The following MRPS5 variants were observed in gnomAD, a reference collection of about 807,000 sequenced individuals.
MRPS5 encodes mitochondrial ribosomal protein S5, also known as small ribosomal subunit protein uS5m.
Under a neutral mutation model 51.9 loss-of-function variants are expected in MRPS5, and 27 were observed. That is an observed-to-expected ratio of 0.52 (90% confidence interval 0.38 to 0.72). The LOEUF (loss-of-function observed/expected upper bound fraction) is 0.72, where lower values mean the gene tolerates loss of function less well. Among genes scored for constraint, MRPS5 ranks in the 30% least tolerant of loss-of-function variants. The probability of loss-of-function intolerance (pLI) is 0.00; values close to 1 mark genes in which losing one functional copy is unlikely to be tolerated. For missense variants in MRPS5, 570 were observed against 545.7 expected, an observed-to-expected ratio of 1.04 and a Z score of -0.44; for synonymous variants, 196 against 193.2, an observed-to-expected ratio of 1.01 and a Z score of -0.12.
chr2:95,088,807 G>A lies in MRPS5; in HGVS notation c.1069-1226C>T, dbSNP rs181175409. 1.8e-3 allele frequency among the ~76,000 whole-genome samples: 274 copies of A among 152,328 alleles called. 2 individuals are homozygous for A. The highest frequency in any genetic ancestry group is 6.4e-3 in the African/African-American group (268 of 41,570). On this transcript the variant is annotated intron_variant, in intron 11 of 11. Transcript: ENST00000272418. The stretch of plus-strand genomic sequence containing the variant: ...GTCTAGGCTGGGCGCGGTGGCTCAC[G>A]CCTGTAATCCCAGCACTTTGGGAGG...
At position 95,106,474 on chromosome 2, in the gene MRPS5, A is replaced by G; in HGVS notation, c.638-17T>C. On this transcript the variant is annotated splice_polypyrimidine_tract_variant and intron_variant, in intron 5 of 11. Transcript: ENST00000272418. ...CATATGTTTCTGTAGGGAGAAAAGA[A>G]ACAGGGATACAGATGAAATGTGTGT... 1.9e-6 allele frequency: 3 copies of G among 1,606,034 alleles called. No individual in the cohort carries two copies. The highest frequency in any genetic ancestry group is 1.3e-5 in the African/African-American group (1 of 74,872).
At chr2:95,121,473 C>T (rs577201037) in intron 1 of MRPS5, among the ~76,000 whole-genome samples, 1 of 152,232 alleles carries the variant, frequency 6.6e-6, no homozygotes, top group Admixed American at 6.5e-5. Context: ...CAAGCACGCT[C>T]AAGCGGTTTC....
chr2:95,100,397 C>A, intron 10 of MRPS5, 77 bp downstream of exon 10: 1 of 1,118,760 alleles, frequency 8.9e-7, no homozygotes, highest in Non-Finnish European at 1.3e-6. Flanking sequence ...TAAAGATGAA[C>A]AAAAATAGAG....
At position 95,090,538 on chromosome 2, in the gene MRPS5, C is replaced by A. The variant is rs781768769; in HGVS notation, c.932-16G>T. 32 of 1,613,778 alleles carry A rather than the reference C, an allele frequency of 2.0e-5. No homozygotes were observed. In the South Asian group the frequency reaches 3.4e-4, roughly 17 times the overall value. On this transcript the variant is annotated splice_polypyrimidine_tract_variant and intron_variant, in intron 10 of 11. Transcript: ENST00000272418. ...AGGCCGTAACCTAGAAAAGGAGAAA[C>A]CGGGTGAAACACAGCCCACTCGCCT...
At position 95,086,111 on chromosome 2, in the gene MRPS5, G is replaced by C. The variant is rs1179118823; in HGVS notation, c.*1246C>G. ...TTACTTTTACTTTTTGTAGAGATGA[G>C]GTCTCACTTTGTTGCCTAGGCTGAT... On this transcript the variant is annotated 3_prime_UTR_variant, in exon 12 of 12. Coordinates refer to ENST00000272418, the MANE Select transcript of MRPS5 (RefSeq NM_031902.5). Among the ~76,000 whole-genome samples, 1 of 152,024 alleles carries C rather than the reference G, an allele frequency of 6.6e-6. No homozygotes were observed. Among genetic ancestry groups the C allele is most frequent in the Admixed American group, 6.6e-5 (1 of 15,240 alleles).
At chr2:95,104,335 C>T in intron 7 of MRPS5, 1 of 381,066 alleles carries the variant, frequency 2.6e-6, no homozygotes, top group South Asian at 2.4e-5. Flanking sequence ...TAACCATGGC[C>T]CTATTGAACA....
chr2:95,100,674 T>C, intron 9 of MRPS5, 138 bp from the exon 10 acceptor site: 1 of 879,028 alleles, frequency 1.1e-6, no homozygotes, highest in Non-Finnish European at 1.7e-6. Flanking sequence ...TCTGATTTCA[T>C]TCATTTTAGT....
chr2:95,096,004 TCAC>T (rs989344050), intron 10 of MRPS5, among the ~76,000 whole-genome samples: 2 of 152,008 alleles, frequency 1.3e-5, no homozygotes, highest in Admixed American at 6.6e-5. Context: ...CAATAAAAAA[TCAC>T]CACCAATCCC....
chr2:95,091,631 A>C (rs1675470397), intron 10 of MRPS5: 1 of 152,188 alleles, frequency 6.6e-6, no homozygotes. Context: ...AACTCGGCAC[A>C]CACCTCTTCT....
intron 2 of MRPS5, among the ~76,000 whole-genome samples, chr2:95,117,245 C>A (rs1676311123): frequency 1.3e-5 from 2 of 151,648 alleles, no homozygotes; most frequent in Non-Finnish European, 2.9e-5. Flanking sequence ...TAATTTAAAT[C>A]TCCTCTATTA....
intron 10 of MRPS5, among the ~76,000 whole-genome samples, chr2:95,096,093 A>C (rs1229894143): frequency 6.6e-6 from 1 of 152,140 alleles, no homozygotes; most frequent in East Asian, 1.9e-4. Context: ...AGAAGAAATG[A>C]ATAAATTCCT....
At chr2:95,108,543 AG>A in intron 4 of MRPS5, 135 bp from the exon 5 acceptor site, 1 of 738,860 alleles carries the variant, frequency 1.4e-6, no homozygotes, top group East Asian at 2.7e-5. Flanking sequence ...TTAACTTGGT[AG>A]GTCACTTGGC....
intron 6 of MRPS5, 50 bp from the exon 7 acceptor site, chr2:95,104,780 G>A: frequency 6.5e-7 from 1 of 1,546,134 alleles, no homozygotes; most frequent in Middle Eastern, 1.7e-4. Flanking sequence ...AAATCTGAAG[G>A]AGGGAACTGG....
chr2:95,113,432 C>T (rs1373309934), intron 3 of MRPS5, among the ~76,000 whole-genome samples: 3 of 151,994 alleles, frequency 2.0e-5, no homozygotes, highest in South Asian at 2.1e-4. Context: ...GCCGAGACCA[C>T]GCCACTGCAT....
At chr2:95,117,164 AAC>A (rs1036183313) in intron 2 of MRPS5, among the ~76,000 whole-genome samples, 17 of 151,960 alleles carry the variant, frequency 1.1e-4, no homozygotes, top group African/African-American at 4.1e-4. Context: ...AAAAAAAAGA[AAC>A]ACAGTCTGAC....
At position 95,115,125 on chromosome 2, in the gene MRPS5, A is replaced by C. The variant is rs542646463; in HGVS notation, c.218T>G (p.Ile73Ser). The change falls in exon 3 of 12, where the codon ATT becomes AGT. Residue 73 changes from isoleucine to serine, a missense_variant. Transcript: ENST00000272418. ...LSRALQTQCC[I>S]SSPSHLMSQQ... ...GCTCATCAGGTGACTGGGAGAAGAAATACAGCATTGTGTCTGCAGTGCACG... is the reference window on the plus strand; with the variant it reads ...GCTCATCAGGTGACTGGGAGAAGAACTACAGCATTGTGTCTGCAGTGCACG... The C allele has an allele frequency of 1.1e-5, 18 of 1,612,724 alleles. No homozygotes were observed. The East Asian group carries it at 3.8e-4, about 34-fold the overall frequency.
intron 3 of MRPS5, among the ~76,000 whole-genome samples, chr2:95,112,165 A>G (rs1450470209): frequency 6.6e-6 from 1 of 152,158 alleles, no homozygotes; most frequent in Non-Finnish European, 1.5e-5. Context: ...CCCGGGTTCA[A>G]GAGATTCTCC....
At chr2:95,106,126 C>T (rs1249651049) in intron 6 of MRPS5, among the ~76,000 whole-genome samples, 1 of 152,196 alleles carries the variant, frequency 6.6e-6, no homozygotes, top group Non-Finnish European at 1.5e-5. Flanking sequence ...CATAGACTCC[C>T]AATGCTACTT....
chr2:95,093,283 T>C (rs1271373927), intron 10 of MRPS5: 1 of 152,376 alleles, frequency 6.6e-6, no homozygotes, highest in Non-Finnish European at 1.5e-5. Context: ...GCACAGGGCA[T>C]AGCTAAACAA....
Sources: gnomAD v4.1 joint callset for allele counts (sites outside exome capture counted in the v4.1 genomes callset) on GRCh38, gnomAD v4.1.1 for gene constraint, MANE v1.5 for transcripts, NCBI Gene and HGNC (gene_info 2026-07-23, HGNC 2026-07-21) for gene names.